ARHGAP6: variants seen among roughly 807,000 people sequenced by gnomAD.
The protein encoded by ARHGAP6 is Rho GTPase activating protein 6.
A neutral mutation model predicts 55.7 loss-of-function variants in ARHGAP6; 16 were observed. That is an observed-to-expected ratio of 0.29 (90% CI 0.19 to 0.44). The LOEUF is 0.44. Among genes scored for constraint, ARHGAP6 ranks in the 20% least tolerant of loss-of-function variants. The pLI is 1.00. For synonymous variants in ARHGAP6, 382 were observed against 360.9 expected, an observed-to-expected ratio of 1.06 and a Z score of -0.66; for missense variants, 698 against 808.9, an observed-to-expected ratio of 0.86 and a Z score of 1.66.
At chrX:11,648,286 T>C (rs1211725882) in intron 1 of ARHGAP6, among the ~76,000 whole-genome samples, 2 of 112,045 alleles carry the variant, frequency 1.8e-5, no homozygotes, top group African/African-American at 6.5e-5. Flanking sequence ...ACAACTGTTA[T>C]GTATCAATTA....
At chrX:11,584,198 G>A (rs1468648625) in intron 1 of ARHGAP6, among the ~76,000 whole-genome samples, 1 of 111,508 alleles carries the variant, frequency 9.0e-6, no homozygotes, top group Non-Finnish European at 1.9e-5. Context: ...GAACATATAG[G>A]AAAAATATAT....
At chrX:11,234,419 G>A (rs1311279488) in intron 2 of ARHGAP6, among the ~76,000 whole-genome samples, 1 of 112,469 alleles carries the variant, frequency 8.9e-6, no homozygotes, top group Non-Finnish European at 1.9e-5. Flanking sequence ...TTGTTTTACA[G>A]CATGCATTTT....
intron 1 of ARHGAP6, among the ~76,000 whole-genome samples, chrX:11,406,934 A>G (rs985765392): frequency 4.5e-5 from 5 of 110,323 alleles, no homozygotes; most frequent in African/African-American, 1.7e-4. Context: ...GGAATAGACC[A>G]TGCATGTCTA....
chrX:11,600,421 C>A (rs2051955159), intron 1 of ARHGAP6, among the ~76,000 whole-genome samples: 1 of 112,058 alleles, frequency 8.9e-6, no homozygotes, highest in Admixed American at 9.4e-5. Flanking sequence ...ATAACAAAGT[C>A]TTTTATAAAA....
intron 9 of ARHGAP6, among the ~76,000 whole-genome samples, chrX:11,159,486 G>A (rs1012944242): frequency 2.7e-5 from 3 of 110,430 alleles, no homozygotes; most frequent in African/African-American, 9.9e-5. Flanking sequence ...ATTGGATGGA[G>A]AGAGAGAGAA....
intron 1 of ARHGAP6, among the ~76,000 whole-genome samples, chrX:11,577,714 T>A (rs1255135691): frequency 1.8e-5 from 2 of 111,616 alleles, no homozygotes; most frequent in East Asian, 5.6e-4. Context: ...TGGTGTTGGT[T>A]GGGGAGGGGG....
intron 1 of ARHGAP6, among the ~76,000 whole-genome samples, chrX:11,632,615 G>T (rs1326498942): frequency 8.9e-6 from 1 of 112,095 alleles, no homozygotes; most frequent in African/African-American, 3.2e-5. Flanking sequence ...CACAGATTCC[G>T]CATGAATGGT....
chrX:11,185,190 A>G (rs1404029084), intron 5 of ARHGAP6, among the ~76,000 whole-genome samples: 1 of 105,777 alleles, frequency 9.5e-6, no homozygotes, highest in East Asian at 2.8e-4. Context: ...ATGTGTGTGT[A>G]TAGAGAAAGA....
At chrX:11,402,590 T>G (rs1235025457) in intron 1 of ARHGAP6, among the ~76,000 whole-genome samples, 1 of 111,828 alleles carries the variant, frequency 8.9e-6, no homozygotes, top group Non-Finnish European at 1.9e-5. Context: ...GACATTGCTC[T>G]GGCAACACCA....
chrX:11,220,567 C>T (rs923356606), intron 2 of ARHGAP6, among the ~76,000 whole-genome samples: 1 of 110,617 alleles, frequency 9.0e-6, no homozygotes, highest in African/African-American at 3.3e-5. Flanking sequence ...AAATACTTTA[C>T]AGCCAAGCAA....
intron 1 of ARHGAP6, among the ~76,000 whole-genome samples, chrX:11,516,391 C>T (rs749717597): frequency 1.8e-5 from 2 of 111,910 alleles, no homozygotes; most frequent in South Asian, 7.5e-4. Context: ...ACTCTATTCC[C>T]ATTAAACAAC....
In ARHGAP6 at chrX:11,159,140, C is replaced by T. The variant is rs1387511894; in HGVS notation, c.1810-2514G>A. Among the ~76,000 whole-genome samples the T allele has an allele frequency of 7.2e-5, 8 of 111,015 alleles. No individual in the cohort carries two copies. In the Admixed American group the frequency reaches 7.6e-4, roughly 11 times the overall value. ...AAGAGTGATGAGGAGGTCTGTGAGG[C>T]TGGAAGAGAGTAGGAAAGGAGGCGG... On this transcript the variant is annotated intron_variant, in intron 9 of 12. Coordinates refer to ENST00000337414, the MANE Select transcript of ARHGAP6 (RefSeq NM_013427.3).
intron 1 of ARHGAP6, among the ~76,000 whole-genome samples, chrX:11,456,420 C>T (rs186885495): frequency 8.9e-6 from 1 of 111,865 alleles, no homozygotes; most frequent in Non-Finnish European, 1.9e-5. Context: ...GAGACCTGCC[C>T]TGCCCAATGT....
chrX:11,185,329 T>C (rs1475244432), intron 5 of ARHGAP6, among the ~76,000 whole-genome samples: 1 of 112,192 alleles, frequency 8.9e-6, no homozygotes, highest in Non-Finnish European at 1.9e-5. Flanking sequence ...TATTAGGTCA[T>C]CCATATGTTA....
chrX:11,148,766 C>G (rs2045732719), intron 10 of ARHGAP6: 2 of 354,717 alleles, frequency 5.6e-6, no homozygotes, highest in Non-Finnish European at 1.1e-5. Flanking sequence ...ATGGGGCCCG[C>G]CCAGCACCTT....
At chrX:11,349,315 A>G (rs1323973101) in intron 1 of ARHGAP6, among the ~76,000 whole-genome samples, 1 of 111,494 alleles carries the variant, frequency 9.0e-6, no homozygotes, top group African/African-American at 3.3e-5. Flanking sequence ...CCTTCCACTC[A>G]TTAAACAAAT....
chrX:11,336,663 C>T (rs187309794), intron 1 of ARHGAP6, among the ~76,000 whole-genome samples: 19 of 111,792 alleles, frequency 1.7e-4, no homozygotes, highest in East Asian at 1.4e-3. Context: ...GGTTGAGCTG[C>T]GTGAAATGGT....
intron 2 of ARHGAP6, among the ~76,000 whole-genome samples, chrX:11,206,103 C>T (rs2046700860): frequency 8.9e-6 from 1 of 111,902 alleles, no homozygotes; most frequent in South Asian, 3.8e-4. Flanking sequence ...AGAAAAGGAT[C>T]TGAGCTGCTG....
intron 1 of ARHGAP6, among the ~76,000 whole-genome samples, chrX:11,655,332 C>T (rs1336392326): frequency 8.9e-6 from 1 of 112,336 alleles, no homozygotes; most frequent in East Asian, 2.8e-4. Flanking sequence ...ATTATGAATA[C>T]TGCTGCTATA....
Sources: allele counts gnomAD v4.1 joint callset (sites outside exome capture counted in the v4.1 genomes callset), GRCh38; gene constraint gnomAD v4.1.1; transcripts MANE v1.5; gene names NCBI Gene and HGNC (gene_info 2026-07-23, HGNC 2026-07-21).